NPAS2: variants seen among roughly 807,000 people sequenced by gnomAD.
NPAS2 encodes the protein neuronal PAS domain-containing protein 2.
A neutral mutation model predicts 107.5 loss-of-function variants in NPAS2; 23 were observed. The ratio of observed to expected loss-of-function variants is 0.21; its 90% confidence interval spans 0.15 to 0.30. The LOEUF (loss-of-function observed/expected upper bound fraction) is 0.30. NPAS2 is among the 10% of genes least tolerant of loss of function. NPAS2 has a pLI of 1.00. For missense variants in NPAS2, 756 were observed against 1,043.3 expected (o/e 0.72, Z 3.79); for synonymous variants, 403 against 417.5 (o/e 0.97, Z 0.42).
chr2:100,850,923 A>G (rs929452665), intron 1 of NPAS2, among the ~76,000 whole-genome samples: 3 of 126,934 alleles, frequency 2.4e-5, no homozygotes, highest in Non-Finnish European at 4.7e-5. Flanking sequence ...ATTGTACTCT[A>G]GCCTGGGCAA....
At chr2:100,855,128 CATATT>C (rs775886751) in intron 1 of NPAS2, among the ~76,000 whole-genome samples, 7 of 152,144 alleles carry the variant, frequency 4.6e-5, no homozygotes, top group East Asian at 1.9e-4. Context: ...ATATGTGACT[CATATT>C]ATATTTCTCT....
chr2:100,857,623 C>T (rs1276607080), intron 1 of NPAS2, among the ~76,000 whole-genome samples: 1 of 152,204 alleles, frequency 6.6e-6, no homozygotes, highest in East Asian at 1.9e-4. Flanking sequence ...CGTGAAAGGC[C>T]ACTGCCTCCA....
At chr2:100,913,841 G>A (rs1344923684) in intron 2 of NPAS2, among the ~76,000 whole-genome samples, 1 of 152,166 alleles carries the variant, frequency 6.6e-6, no homozygotes, top group Admixed American at 6.5e-5. Flanking sequence ...GGGGGTGCTC[G>A]ATGTCATTCA....
intron 1 of NPAS2, among the ~76,000 whole-genome samples, chr2:100,826,717 G>GATT (rs10642289): frequency 0.29 from 44,757 of 151,742 alleles, 9,668 homozygotes; most frequent in African/African-American, 0.61. Context: ...GGATTATTAG[G>GATT]CCTGGGTAAA....
chr2:100,919,106 G>A, intron 2 of NPAS2, among the ~76,000 whole-genome samples: 1 of 152,176 alleles, frequency 6.6e-6, no homozygotes, highest in East Asian at 1.9e-4. Context: ...AATCTCAAAG[G>A]CATTATGCTG....
Position 100,995,472 on chromosome 2 carries a change from G to A in NPAS2, c.2365G>A (p.Gly789Arg), listed in dbSNP as rs1185380588. The A allele has an allele frequency of 1.2e-6, 2 of 1,614,066 alleles. No homozygotes were observed. Among genetic ancestry groups the A allele is most frequent in the Admixed American group, 1.7e-5 (1 of 60,006 alleles). Reference sequence around the variant, plus strand: ...TCTCTCCACCTACTCACAACAGCCAGGGACCCTGGGCTACCCCCAACCACC... The same window carrying A: ...TCTCTCCACCTACTCACAACAGCCAAGGACCCTGGGCTACCCCCAACCACC... Reference protein sequence around the residue: ...LLLSTYSQQPGTLGYPQPPPA... With the variant: ...LLLSTYSQQPRTLGYPQPPPA... Residue 789 changes from glycine to arginine, a missense_variant, in exon 21 of 21, where the codon GGG becomes AGG. Transcript: ENST00000335681.
rs1213011982 is a variant in NPAS2 at position 100,820,334 on chromosome 2, G to T, written c.-103G>T. ...GCTCGCCGCGCCCGCTCGCCGCCTC[G>T]TCTCCCAGCGGCGGCGGGAGGCGCG... On this transcript the variant is annotated 5_prime_UTR_variant, in exon 1 of 21. Transcript: ENST00000335681. This position sits in a 1 kb window ranked among gnomAD's most constrained non-coding sequence, Gnocchi z 5.6. 2 of 145,202 alleles carry T rather than the reference G, an allele frequency of 1.4e-5. No homozygotes were observed. Among genetic ancestry groups the T allele is most frequent in the East Asian group, 4.5e-4 (2 of 4,462 alleles). The allele number at this position is 145,202 out of a possible 1,614,324, so 9.0% of individuals were successfully genotyped here.
chr2:100,857,096 A>T (rs1678623220), intron 1 of NPAS2, among the ~76,000 whole-genome samples: 1 of 152,148 alleles, frequency 6.6e-6, no homozygotes, highest in Admixed American at 6.5e-5. Context: ...ACCTGAGGGC[A>T]GGAGTTCGAG....
chr2:100,893,663 G>A (rs1230328481), intron 1 of NPAS2, among the ~76,000 whole-genome samples: 1 of 152,226 alleles, frequency 6.6e-6, no homozygotes. Context: ...GAAGAGGAAA[G>A]TTTAGTCATG....
At chr2:100,852,401 A>G (rs1404835339) in intron 1 of NPAS2, among the ~76,000 whole-genome samples, 2 of 152,120 alleles carry the variant, frequency 1.3e-5, no homozygotes, top group Non-Finnish European at 2.9e-5. Context: ...CATCTCAAAA[A>G]AAATAAAAAT....
At chr2:100,952,774 A>G (rs1436260901) in intron 7 of NPAS2, among the ~76,000 whole-genome samples, 1 of 151,528 alleles carries the variant, frequency 6.6e-6, no homozygotes, top group Non-Finnish European at 1.5e-5. Flanking sequence ...TTTTTTTTTA[A>G]CTAGCAGGGC....
At chr2:100,937,956 G>C (rs1293594394) in intron 5 of NPAS2, 114 bp downstream of exon 5, 1 of 873,820 alleles carries the variant, frequency 1.1e-6, no homozygotes, top group Admixed American at 1.7e-5. Flanking sequence ...GGTGAGAAGA[G>C]GGCGGAGAGT....
intron 7 of NPAS2, among the ~76,000 whole-genome samples, chr2:100,959,870 T>G (rs1675820981): frequency 6.6e-6 from 1 of 152,242 alleles, no homozygotes; most frequent in Non-Finnish European, 1.5e-5. Flanking sequence ...ACTGAGCTGG[T>G]AATTCAGTGG....
chr2:100,825,729 G>A (rs1031870429), intron 1 of NPAS2, among the ~76,000 whole-genome samples: 2 of 152,172 alleles, frequency 1.3e-5, no homozygotes, highest in South Asian at 4.1e-4. Flanking sequence ...GCCACTGGGA[G>A]GCTTCTGGGA....
At chr2:100,936,292 C>T (rs920580549) in intron 4 of NPAS2, among the ~76,000 whole-genome samples, 3 of 152,218 alleles carry the variant, frequency 2.0e-5, no homozygotes, top group Admixed American at 6.5e-5. Context: ...AATGAATTGT[C>T]CACACAGATT....
intron 1 of NPAS2, among the ~76,000 whole-genome samples, chr2:100,852,222 C>A (rs1035378453): frequency 6.6e-6 from 1 of 151,848 alleles, no homozygotes; most frequent in Non-Finnish European, 1.5e-5. Context: ...CGGTGAAACC[C>A]CGTCTCTCCT....
chr2:100,979,170 T>C (rs1558934820), intron 15 of NPAS2, among the ~76,000 whole-genome samples: 1 of 152,104 alleles, frequency 6.6e-6, no homozygotes, highest in Non-Finnish European at 1.5e-5. Context: ...GGCTTGAAGA[T>C]TGGTGTAAAA....
intron 1 of NPAS2, among the ~76,000 whole-genome samples, chr2:100,884,206 A>C (rs1053342831): frequency 1.3e-5 from 2 of 152,124 alleles, no homozygotes; most frequent in Non-Finnish European, 2.9e-5. Context: ...CAGTATTTTA[A>C]GTTTCTGTGA....
At chr2:100,851,066 C>T (rs1487894782) in intron 1 of NPAS2, among the ~76,000 whole-genome samples, 1 of 144,404 alleles carries the variant, frequency 6.9e-6, no homozygotes, top group Non-Finnish European at 1.5e-5. Context: ...AAAGGACAAA[C>T]ACTGCATGAT....
Sources: gnomAD v4.1 joint callset for allele counts (sites outside exome capture counted in the v4.1 genomes callset) on GRCh38, gnomAD v4.1.1 for gene constraint, Gnocchi (gnomAD v3.1) non-coding constraint, MANE v1.5 for transcripts, NCBI Gene and HGNC (gene_info 2026-07-23, HGNC 2026-07-21) for gene names.